Variants in CEP135 observed in about 807,000 individuals in gnomAD.
The protein encoded by CEP135 is centrosomal protein 135, also known as centrosomal protein of 135 kDa.
CEP135 carries 142 observed loss-of-function variants against 157.3 expected under a neutral mutation model. That is an observed-to-expected ratio of 0.90 (90% CI 0.79 to 1.04). The LOEUF (loss-of-function observed/expected upper bound fraction) is 1.04. CEP135 is among the 50% of genes least tolerant of loss of function. CEP135 has a pLI of 0.00. For synonymous variants in CEP135, 396 were observed against 439.8 expected (o/e 0.90, Z 1.25); for missense variants, 1,317 against 1,309.2 (o/e 1.01, Z -0.09).
intron 25 of CEP135, among the ~76,000 whole-genome samples, chr4:56,029,905 C>T (rs1410513174): frequency 6.6e-6 from 1 of 152,186 alleles, no homozygotes; most frequent in African/African-American, 2.4e-5. Context: ...AGGCCTAGGA[C>T]ATTCCTGTTC....
In CEP135 at chr4:56,009,832, T is replaced by C; in HGVS notation, c.2434T>C (p.Ser812Pro). The C allele has an allele frequency of 6.2e-7, 1 of 1,614,032 alleles. No homozygotes were observed. Among genetic ancestry groups the C allele is most frequent in the South Asian group, 1.1e-5 (1 of 91,044 alleles). Residue 812 changes from serine to proline, a missense_variant, in exon 19 of 26, where the codon TCT (serine) becomes CCT (proline). Physicochemically the swap from Ser to Pro is moderately conservative, Grantham distance 74 (BLOSUM62 -1). Coordinates refer to ENST00000257287, the MANE Select transcript of CEP135 (RefSeq NM_025009.5). ...CAAAGAACTCGATGAAGTAGGAAGATCTAGAGAAATCGCTTTTAAGGAAAA... is the reference window on the plus strand; with the variant it reads ...CAAAGAACTCGATGAAGTAGGAAGACCTAGAGAAATCGCTTTTAAGGAAAA... ...AHKELDEVGR[S>P]REIAFKENRR...
At chr4:56,019,968 C>T (rs1195744850) in intron 23 of CEP135, among the ~76,000 whole-genome samples, 1 of 152,090 alleles carries the variant, frequency 6.6e-6, no homozygotes, top group African/African-American at 2.4e-5. Context: ...TATACATCTG[C>T]TGCTTTTGGA....
intron 4 of CEP135, 47 bp from the exon 5 acceptor site, chr4:55,957,176 C>T: frequency 6.3e-7 from 1 of 1,593,008 alleles, no homozygotes; most frequent in Non-Finnish European, 8.6e-7. Flanking sequence ...AATTCTAAGA[C>T]ATGGTTTTGT....
chr4:56,028,902 G>A (rs903613037), intron 25 of CEP135, among the ~76,000 whole-genome samples: 41 of 152,212 alleles, frequency 2.7e-4, no homozygotes, highest in African/African-American at 9.6e-4. Flanking sequence ...CACAGATCAA[G>A]AGCCCAATCC....
chr4:56,008,455 C>T (rs1730437804), intron 18 of CEP135, 73 bp downstream of exon 18: 5 of 1,145,226 alleles, frequency 4.4e-6, no homozygotes, highest in Non-Finnish European at 5.1e-6. Context: ...TATTCAGTAG[C>T]ATTGCAGCAA....
At chr4:55,964,552 G>A (rs1431295429) in intron 7 of CEP135, 150 bp downstream of exon 7, 2 of 541,564 alleles carry the variant, frequency 3.7e-6, no homozygotes, top group African/African-American at 3.8e-5. Flanking sequence ...TAGAACCATA[G>A]TATCCAGAAA....
intron 25 of CEP135, among the ~76,000 whole-genome samples, chr4:56,029,669 C>T (rs1207436076): frequency 6.6e-6 from 1 of 152,184 alleles, no homozygotes; most frequent in African/African-American, 2.4e-5. Context: ...ATGGTATAGC[C>T]TCTTGCTCCT....
rs905995681 is a variant in CEP135 at position 56,020,795 on chromosome 4, T to G, written c.3320+15T>G. The stretch of plus-strand genomic sequence containing the variant: ...AGATACGAACGGTAAGACAAATTTT[T>G]TTTACATTTGACAATGTTTTTATGT... On this transcript the variant is annotated intron_variant, in intron 24 of 25. Coordinates refer to ENST00000257287, the MANE Select transcript of CEP135 (RefSeq NM_025009.5). The G allele has an allele frequency of 2.5e-6, 4 of 1,593,478 alleles. No homozygotes were observed. The African/African-American group carries it at 5.4e-5, about 21-fold the overall frequency.
intron 25 of CEP135, 44 bp from the exon 26 acceptor site, chr4:56,031,316 T>C (rs1291617920): frequency 1.3e-5 from 2 of 152,604 alleles, no homozygotes; most frequent in Non-Finnish European, 2.9e-5. Flanking sequence ...TGAATAACTT[T>C]ATCATTTTTC....
At chr4:55,996,821 G>A (rs1729983197) in intron 15 of CEP135, among the ~76,000 whole-genome samples, 1 of 151,844 alleles carries the variant, frequency 6.6e-6, no homozygotes, top group Admixed American at 6.6e-5. Context: ...ATGAACAGAG[G>A]ATCCTTTAAG....
chr4:55,980,934 G>A (rs1729383798), intron 12 of CEP135, among the ~76,000 whole-genome samples: 1 of 152,068 alleles, frequency 6.6e-6, no homozygotes, highest in African/African-American at 2.4e-5. Flanking sequence ...ATCCACTTCT[G>A]GGCTTTCCCC....
intron 15 of CEP135, among the ~76,000 whole-genome samples, chr4:55,992,329 C>G (rs182907550): frequency 7.2e-5 from 11 of 152,170 alleles, no homozygotes. Context: ...AGAAATTTCA[C>G]AGATTAATAT....
chr4:56,009,308 C>T (rs1458137876), intron 18 of CEP135, among the ~76,000 whole-genome samples: 1 of 152,096 alleles, frequency 6.6e-6, no homozygotes, highest in African/African-American at 2.4e-5. Flanking sequence ...CTACACGTGC[C>T]CGCCACCACA....
intron 14 of CEP135, among the ~76,000 whole-genome samples, chr4:55,988,158 A>G (rs909047354): frequency 2.6e-5 from 4 of 151,720 alleles, no homozygotes; most frequent in African/African-American, 9.7e-5. Context: ...TAAAAATAAC[A>G]TAAATTTTCC....
chr4:56,024,862 C>CA (rs1361435168), intron 25 of CEP135, among the ~76,000 whole-genome samples: 3 of 150,462 alleles, frequency 2.0e-5, no homozygotes, highest in Non-Finnish European at 3.0e-5. Flanking sequence ...CTCGGCCAGA[C>CA]ACAGTGGCCC....
intron 14 of CEP135, among the ~76,000 whole-genome samples, chr4:55,989,497 ATAAATTTATTCCT>A (rs1230461800): frequency 6.6e-6 from 1 of 152,228 alleles, no homozygotes; most frequent in African/African-American, 2.4e-5. Context: ...ACAAACACAA[ATAAATTTATTCCT>A]TAAAGGAAAA....
intron 14 of CEP135, 71 bp from the exon 15 acceptor site, chr4:55,991,863 A>T: frequency 1.3e-6 from 1 of 767,018 alleles, no homozygotes; most frequent in Non-Finnish European, 1.9e-6. Flanking sequence ...AAATATTATT[A>T]AAGAGTGCCT....
chr4:56,031,022 G>A (rs565043101), intron 25 of CEP135, among the ~76,000 whole-genome samples: 1 of 151,892 alleles, frequency 6.6e-6, no homozygotes, highest in Non-Finnish European at 1.5e-5. Flanking sequence ...ATGTGCACCT[G>A]CCTGGAGGCT....
intron 14 of CEP135, among the ~76,000 whole-genome samples, chr4:55,988,319 A>G (rs1023682179): frequency 2.6e-5 from 4 of 152,132 alleles, no homozygotes; most frequent in African/African-American, 7.2e-5. Context: ...AAAGAAGAAC[A>G]TGGTGCTAGA....
Sources: allele counts gnomAD v4.1 joint callset (sites outside exome capture counted in the v4.1 genomes callset), GRCh38; gene constraint gnomAD v4.1.1; transcripts MANE v1.5; gene names NCBI Gene and HGNC (gene_info 2026-07-23, HGNC 2026-07-21).